ENTREP2: variants seen among roughly 807,000 people sequenced by gnomAD.
ENTREP2 encodes endosomal transmembrane epsin interactor 2.
chr15:29,578,163 T>A, the ENTREP2 span, among the ~76,000 whole-genome samples: 1 of 152,018 alleles, frequency 6.6e-6, no homozygotes. Flanking sequence ...ATAAAAAAAA[T>A]GAAAATAACA....
the ENTREP2 span, among the ~76,000 whole-genome samples, chr15:29,380,871 T>A: frequency 6.9e-5 from 10 of 145,074 alleles, no homozygotes; most frequent in African/African-American, 2.6e-4. Context: ...TTTTTTGAGA[T>A]GGATTCTCTC....
the ENTREP2 span, among the ~76,000 whole-genome samples, chr15:29,319,631 T>G: frequency 6.6e-6 from 1 of 152,220 alleles, no homozygotes; most frequent in Non-Finnish European, 1.5e-5. Flanking sequence ...CCCATCCTTA[T>G]GATAAGAAAA....
chr15:29,386,395 G>A, the ENTREP2 span, among the ~76,000 whole-genome samples: 6 of 152,134 alleles, frequency 3.9e-5, no homozygotes, highest in South Asian at 2.1e-4. Flanking sequence ...TTGAACAGCG[G>A]GGCACCGAAG....
At chr15:29,206,042 C>G in the ENTREP2 span, among the ~76,000 whole-genome samples, 1 of 152,140 alleles carries the variant, frequency 6.6e-6, no homozygotes, top group African/African-American at 2.4e-5. Context: ...CAACACCAGC[C>G]CCAATGACAC....
At chr15:29,623,283 G>C in the ENTREP2 span, among the ~76,000 whole-genome samples, 3 of 152,306 alleles carry the variant, frequency 2.0e-5, no homozygotes, top group Admixed American at 1.3e-4. Flanking sequence ...CATGTCCTGA[G>C]TGGGCTCAAG....
chr15:29,285,993 T>C, the ENTREP2 span, among the ~76,000 whole-genome samples: 1 of 152,212 alleles, frequency 6.6e-6, no homozygotes, highest in East Asian at 1.9e-4. Context: ...AATTCAGCAT[T>C]TATTCATGAT....
At chr15:29,478,824 G>C in the ENTREP2 span, among the ~76,000 whole-genome samples, 1 of 151,148 alleles carries the variant, frequency 6.6e-6, no homozygotes. Flanking sequence ...AGAATCTCTT[G>C]AACCGGGGAG....
chr15:29,246,973 G>GCA, the ENTREP2 span, among the ~76,000 whole-genome samples: 16,553 of 136,794 alleles, frequency 0.12, 1,018 homozygotes, highest in South Asian at 0.18. Context: ...GACTGGAAAG[G>GCA]CACACACACA....
the ENTREP2 span, among the ~76,000 whole-genome samples, chr15:29,175,593 G>A: frequency 3.3e-5 from 5 of 152,162 alleles, no homozygotes; most frequent in Non-Finnish European, 7.4e-5. Context: ...GAACGCTGAT[G>A]TTTGTCCATC....
At chr15:29,662,346 A>G in the ENTREP2 span, among the ~76,000 whole-genome samples, 1 of 152,160 alleles carries the variant, frequency 6.6e-6, no homozygotes, top group African/African-American at 2.4e-5. Flanking sequence ...AATAGTATAT[A>G]CATCCAAAAG....
At chr15:29,584,927 A>G in the ENTREP2 span, among the ~76,000 whole-genome samples, 1 of 152,208 alleles carries the variant, frequency 6.6e-6, no homozygotes, top group African/African-American at 2.4e-5. Flanking sequence ...CATATCTTAA[A>G]TATATACAAT....
At chr15:29,350,957 T>A in the ENTREP2 span, among the ~76,000 whole-genome samples, 2,107 of 152,056 alleles carry the variant, frequency 0.014, 45 homozygotes, top group African/African-American at 0.047. Flanking sequence ...TAAATAAATA[T>A]ATATATAATA....
At chr15:29,257,521 TA>T in the ENTREP2 span, among the ~76,000 whole-genome samples, 1 of 152,212 alleles carries the variant, frequency 6.6e-6, no homozygotes, top group Non-Finnish European at 1.5e-5. Flanking sequence ...GATATATTCT[TA>T]GAAGTGGCAT....
At chr15:29,306,663 A>C in the ENTREP2 span, among the ~76,000 whole-genome samples, 2 of 93,494 alleles carry the variant, frequency 2.1e-5, no homozygotes, top group African/African-American at 6.2e-5. Context: ...AATAATTGGT[A>C]ATTTTTTTTT....
chr15:29,196,683 G>C, the ENTREP2 span: 1 of 1,102,800 alleles, frequency 9.1e-7, no homozygotes, highest in East Asian at 2.7e-5. Context: ...GCCTGTTTCA[G>C]TGTGTTTAAG....
the ENTREP2 span, among the ~76,000 whole-genome samples, chr15:29,656,744 T>C: frequency 2.6e-4 from 40 of 152,172 alleles, no homozygotes; most frequent in Non-Finnish European, 5.6e-4. Context: ...ATATCTTATC[T>C]TGCTTGAAAG....
At chr15:29,351,319 T>C in the ENTREP2 span, among the ~76,000 whole-genome samples, 1 of 152,238 alleles carries the variant, frequency 6.6e-6, no homozygotes, top group Non-Finnish European at 1.5e-5. Context: ...CTGTCCTATA[T>C]GTGGTCTGTC....
chr15:29,317,452 TAGTC>T, the ENTREP2 span, among the ~76,000 whole-genome samples: 6 of 152,048 alleles, frequency 3.9e-5, no homozygotes, highest in South Asian at 2.1e-4. Context: ...TGAATCAAAA[TAGTC>T]AGGAACAGAC....
At chr15:29,613,260 G>A in the ENTREP2 span, 1 of 170,872 alleles carries the variant, frequency 5.9e-6, no homozygotes, top group Non-Finnish European at 1.2e-5. Flanking sequence ...TTGGCTTCTA[G>A]CGCATCGGGT....
Sources: allele counts gnomAD v4.1 joint callset (sites outside exome capture counted in the v4.1 genomes callset), GRCh38; gene constraint gnomAD v4.1.1; transcripts MANE v1.5; gene names NCBI Gene and HGNC (gene_info 2026-07-23, HGNC 2026-07-21).